Variants in EIF3A observed in about 807,000 individuals in gnomAD.
EIF3A encodes the protein EIF3, p180 subunit.
Under a neutral mutation model 186.6 loss-of-function variants are expected in EIF3A, and 21 were observed. The ratio of observed to expected loss-of-function variants is 0.11; its 90% CI spans 0.08 to 0.16. The LOEUF (loss-of-function observed/expected upper bound fraction) is 0.16, where lower values mean the gene tolerates loss of function less well. EIF3A is among the 10% of genes least tolerant of loss of function. The pLI, the probability that EIF3A is intolerant of heterozygous loss-of-function variation, is 1.00. For missense variants in EIF3A, 1,306 were observed against 1,796.3 expected, an observed-to-expected ratio of 0.73 and a Z score of 4.93; for synonymous variants, 563 against 584.3, an observed-to-expected ratio of 0.96 and a Z score of 0.52.
chr10:119,049,279 G>T (rs1022457668), intron 17 of EIF3A, among the ~76,000 whole-genome samples: 9 of 152,068 alleles, frequency 5.9e-5, no homozygotes, highest in African/African-American at 2.2e-4. Context: ...GGCCAACATG[G>T]TGAAACCATA....
chr10:119,062,812 A>G (rs529347234), intron 7 of EIF3A, among the ~76,000 whole-genome samples: 8 of 135,592 alleles, frequency 5.9e-5, no homozygotes, highest in South Asian at 4.7e-4. Flanking sequence ...CAGTGGCACG[A>G]TATCAGCTCA....
chr10:119,049,669 T>C, intron 17 of EIF3A, 132 bp downstream of exon 17: 1 of 733,518 alleles, frequency 1.4e-6, no homozygotes, highest in South Asian at 1.8e-5. Flanking sequence ...CGAGAATCAC[T>C]TGAACCCGGG....
At chr10:119,071,391 T>A (rs924444174) in intron 4 of EIF3A, among the ~76,000 whole-genome samples, 6 of 152,102 alleles carry the variant, frequency 3.9e-5, no homozygotes, top group Admixed American at 6.5e-5. Flanking sequence ...CCACTTTAAA[T>A]CCTAGGAGTA....
In EIF3A at chr10:119,044,224, T is replaced by G. The variant is rs74438956; in HGVS notation, c.2659-82A>C. The G allele has an allele frequency of 7.5e-3, 7,172 of 949,992 alleles. 313 individuals carry two copies. The African/African-American group carries it at 0.1, about 13-fold the overall frequency. 58.8% of individuals were successfully genotyped at this position (949,992 alleles called of 1,614,324 possible). Reference sequence around the variant, plus strand: ...TACTGGTATTACCATTCAAATATTTTTTGTACTTATAACAATATGAAGCCC... The same window carrying G: ...TACTGGTATTACCATTCAAATATTTGTTGTACTTATAACAATATGAAGCCC... On this transcript the variant is annotated intron_variant, in intron 17 of 21. Transcript: ENST00000369144.
intron 17 of EIF3A, among the ~76,000 whole-genome samples, chr10:119,047,465 G>A (rs1245641285): frequency 6.6e-6 from 1 of 152,144 alleles, no homozygotes; most frequent in East Asian, 1.9e-4. Context: ...GGTGTGTGTG[G>A]GCAAGGGGGT....
chr10:119,071,692 G>GT (rs1254802460), intron 4 of EIF3A, among the ~76,000 whole-genome samples: 1 of 152,112 alleles, frequency 6.6e-6, no homozygotes, highest in Non-Finnish European at 1.5e-5. Flanking sequence ...GTTAATATTT[G>GT]TATCAACAGC....
chr10:119,069,816 A>G (rs1844042700), intron 5 of EIF3A, among the ~76,000 whole-genome samples, 162 bp from the exon 6 acceptor site: 1 of 152,242 alleles, frequency 6.6e-6, no homozygotes, highest in Admixed American at 6.5e-5. Context: ...GAAAACTGCC[A>G]TAATTACAAA....
intron 7 of EIF3A, among the ~76,000 whole-genome samples, chr10:119,063,700 T>C (rs1033138855): frequency 2.6e-5 from 4 of 152,214 alleles, no homozygotes; most frequent in Non-Finnish European, 4.4e-5. Flanking sequence ...AGAATACAAC[T>C]TCTGCCTTCA....
intron 10 of EIF3A, 42 bp from the exon 11 acceptor site, chr10:119,059,439 C>T (rs1471666907): frequency 7.0e-7 from 1 of 1,435,972 alleles, no homozygotes; most frequent in Admixed American, 2.2e-5. Context: ...CACAAGTAAG[C>T]ATGAAGTCAA....
At position 119,059,629 on chromosome 10, in the gene EIF3A, T is replaced by G; in HGVS notation, c.1416A>C (p.Val472=). 6.2e-7 allele frequency: 1 copy of G among 1,614,134 alleles called. No individual in the cohort carries two copies. Among genetic ancestry groups the G allele is most frequent in the South Asian group, 1.1e-5 (1 of 91,084 alleles). The change falls in exon 10 of 22, where the codon GTA becomes GTC. Residue 472 remains valine, a synonymous_variant. Coordinates refer to ENST00000369144, the MANE Select transcript of EIF3A (RefSeq NM_003750.4). ...GCAAGTCGCAATGCCTGGCTGCATC[T>G]ACTATGGCCCGTTCCAGTTGGAAAG... ...VDAFQLERAI[V]DAARHCDLQV...
Position 119,073,002 on chromosome 10 carries a change from T to C in EIF3A, c.429A>G (p.Arg143=), listed in dbSNP as rs897005722. Reference sequence around the variant, plus strand: ...ATTTAACCCATGGAGTTAAAAGTAATCTGTCAGTACGATCCTGAGTGTCTT... The same window carrying C: ...ATTTAACCCATGGAGTTAAAAGTAACCTGTCAGTACGATCCTGAGTGTCTT... ...SGEDTQDRTD[R]LLLTPWVKFL... The change falls in exon 4 of 22, where the codon AGA becomes AGG. Residue 143 remains arginine, a synonymous_variant. Coordinates refer to ENST00000369144, the MANE Select transcript of EIF3A (RefSeq NM_003750.4). The C allele has an allele frequency of 6.2e-6, 10 of 1,614,020 alleles. No homozygotes were observed. Among genetic ancestry groups the C allele is most frequent in the Middle Eastern group, 3.3e-4 (2 of 6,084 alleles).
At chr10:119,052,396 G>GTGTGTGTA (rs1391760734) in intron 14 of EIF3A, among the ~76,000 whole-genome samples, 1 of 150,218 alleles carries the variant, frequency 6.7e-6, no homozygotes, top group African/African-American at 2.5e-5. Context: ...GTGTGTGTGT[G>GTGTGTGTA]TGTTTTAAGA....
intron 14 of EIF3A, 135 bp from the exon 15 acceptor site, chr10:119,051,456 T>A: frequency 1.2e-6 from 1 of 853,414 alleles, no homozygotes; most frequent in Non-Finnish European, 1.7e-6. Flanking sequence ...ATGAAAACGT[T>A]AACTACATCC....
Position 119,036,247 on chromosome 10 carries a change from T to C in EIF3A, c.3941A>G (p.Asp1314Gly), listed in dbSNP as rs1848128208. 2 of 1,613,326 alleles carry C rather than the reference T, an allele frequency of 1.2e-6. No homozygotes were observed. Among genetic ancestry groups the C allele is most frequent in the Non-Finnish European group, 1.7e-6 (2 of 1,179,832 alleles). ...TTCCACCCGGTCATCTTTCCTGTCA[T>C]CAGCACGTCTCCAAGAACTTACTAA... ...REEVSSWRRA[D>G]DRKDDRVEER... The change falls in exon 22 of 22, where the codon GAT becomes GGT. Residue 1314 changes from aspartate (D) to glycine (G), a missense_variant. Coordinates refer to ENST00000369144, the MANE Select transcript of EIF3A (RefSeq NM_003750.4).
intron 20 of EIF3A, 147 bp downstream of exon 20, chr10:119,038,091 T>C (rs527987874): frequency 5.8e-6 from 4 of 688,194 alleles, no homozygotes; most frequent in African/African-American, 5.4e-5. Context: ...TAATTTTGTA[T>C]TTTTTAGTAG....
chr10:119,080,053 T>C (rs552152712), intron 1 of EIF3A, among the ~76,000 whole-genome samples: 1 of 152,240 alleles, frequency 6.6e-6, no homozygotes, highest in African/African-American at 2.4e-5. Flanking sequence ...TAAGTGGATA[T>C]AAAGCAGCTG....
chr10:119,036,581 A>G (rs1848132962), intron 21 of EIF3A, among the ~76,000 whole-genome samples: 1 of 152,194 alleles, frequency 6.6e-6, no homozygotes, highest in East Asian at 1.9e-4. Flanking sequence ...TGAAAATTTT[A>G]TAACTGAAAG....
chr10:119,049,512 GAA>G (rs1476902859), intron 17 of EIF3A, among the ~76,000 whole-genome samples: 2 of 111,128 alleles, frequency 1.8e-5, no homozygotes, highest in African/African-American at 3.3e-5. Flanking sequence ...AAAAAAAAGA[GAA>G]AGAGATGTGA....
At chr10:119,073,181 T>A in intron 3 of EIF3A, 128 bp from the exon 4 acceptor site, 1 of 850,006 alleles carries the variant, frequency 1.2e-6, no homozygotes, top group Non-Finnish European at 1.8e-6. Context: ...ACTGCAAAGG[T>A]GTCACTATCT....
Sources: gnomAD v4.1 joint callset for allele counts (sites outside exome capture counted in the v4.1 genomes callset) on GRCh38, gnomAD v4.1.1 for gene constraint, MANE v1.5 for transcripts, NCBI Gene and HGNC (gene_info 2026-07-23, HGNC 2026-07-21) for gene names.